The following JAG1 variants were observed in gnomAD, a reference collection of about 807,000 sequenced individuals.
JAG1 encodes jagged canonical Notch ligand 1.
A neutral mutation model predicts 148.7 loss-of-function variants in JAG1; 23 were observed. The ratio of observed to expected loss-of-function variants is 0.15; its 90% CI spans 0.11 to 0.22. The LOEUF is 0.22. Ranked by LOEUF, JAG1 falls within the 10% of genes least tolerant of loss-of-function variation. The pLI is 1.00. For missense variants in JAG1, 1,054 were observed against 1,611.2 expected, an observed-to-expected ratio of 0.65 and a Z score of 5.92; for synonymous variants, 572 against 598.3, an observed-to-expected ratio of 0.96 and a Z score of 0.64.
At chr20:10,670,504 T>G (rs924620901) in intron 2 of JAG1, among the ~76,000 whole-genome samples, 2 of 152,234 alleles carry the variant, frequency 1.3e-5, no homozygotes, top group African/African-American at 4.8e-5. Context: ...GCCCTCTAGT[T>G]AAATACTCGC....
At position 10,639,777 on chromosome 20, in the gene JAG1, A is replaced by G. The variant is rs1315495976; in HGVS notation, c.3378T>C (p.Ile1126=). ...REQLNQIKNP[I]EKHGANTVPI... ...GGACCGTGTTGGCCCCATGTTTCTCAATGGGGTTTTTGATCTGGTTCAGCT... is the reference window on the plus strand; with the variant it reads ...GGACCGTGTTGGCCCCATGTTTCTCGATGGGGTTTTTGATCTGGTTCAGCT... The change falls in exon 26 of 26, where the codon ATT becomes ATC. Residue 1126 remains isoleucine, a synonymous_variant. Coordinates refer to ENST00000254958, the MANE Select transcript of JAG1 (RefSeq NM_000214.3). 6.2e-7 allele frequency: 1 copy of G among 1,613,872 alleles called. No homozygotes were observed. Among genetic ancestry groups the G allele is most frequent in the Non-Finnish European group, 8.5e-7 (1 of 1,179,986 alleles).
chr20:10,647,875 T>C (rs1398784772), intron 13 of JAG1, 85 bp downstream of exon 13: 107 of 1,426,936 alleles, frequency 7.5e-5, no homozygotes, highest in Non-Finnish European at 1.0e-4. Flanking sequence ...ACATTACTTC[T>C]CAAGTGTAAC....
At chr20:10,671,711 G>A (rs1283261701) in intron 2 of JAG1, among the ~76,000 whole-genome samples, 1 of 152,144 alleles carries the variant, frequency 6.6e-6, no homozygotes, top group African/African-American at 2.4e-5. Context: ...CAGGCAGAGG[G>A]CACACCCCCA....
At chr20:10,652,104 G>T in intron 7 of JAG1, 27 bp downstream of exon 7, 1 of 1,612,910 alleles carries the variant, frequency 6.2e-7, no homozygotes, top group Non-Finnish European at 8.5e-7. Context: ...TTAGACAAAG[G>T]GCTCTCATTC....
intron 12 of JAG1, 50 bp from the exon 13 acceptor site, chr20:10,648,160 A>T: frequency 4.3e-6 from 7 of 1,610,222 alleles, no homozygotes; most frequent in Non-Finnish European, 5.9e-6. Flanking sequence ...AGTAAAACAA[A>T]GGTGTCACGA....
Position 10,645,284 on chromosome 20 carries a change from C to T in JAG1, c.2114-28G>A. 1 of 1,606,710 alleles carries T rather than the reference C, an allele frequency of 6.2e-7. No homozygotes were observed. The highest frequency in any genetic ancestry group is 8.5e-7 in the Non-Finnish European group (1 of 1,173,262). On this transcript the variant is annotated intron_variant, in intron 16 of 25. Transcript: ENST00000254958. The surrounding 1 kb of genome is among the most constrained non-coding windows in gnomAD (Gnocchi z 6.1). ...GGAGGAAAATATTTCAGTGTGAGTC[C>T]CAGTGGCCCCCTCCCACAGAAGACA... is the stretch of plus-strand genomic sequence containing the variant.
chr20:10,644,312 A>ACG, intron 19 of JAG1, 45 bp downstream of exon 19: 1 of 1,447,564 alleles, frequency 6.9e-7, no homozygotes, highest in Non-Finnish European at 9.7e-7. Context: ...ACACACACAC[A>ACG]CACGATAGTG....
At chr20:10,660,768 T>C (rs890067857) in intron 3 of JAG1, among the ~76,000 whole-genome samples, 4 of 152,224 alleles carry the variant, frequency 2.6e-5, no homozygotes, top group African/African-American at 9.6e-5. Context: ...TTCCTTCAGC[T>C]TGGGGCACTG....
intron 20 of JAG1, 133 bp from the exon 21 acceptor site, chr20:10,642,734 C>G (rs1483236799): frequency 1.7e-5 from 12 of 708,610 alleles, no homozygotes; most frequent in Non-Finnish European, 3.1e-5. Flanking sequence ...TAAGCAGCAT[C>G]CAAAAGAAGA....
chr20:10,645,000 C>T (rs371931381), intron 17 of JAG1, 21 bp from the exon 18 acceptor site: 68 of 1,584,982 alleles, frequency 4.3e-5, no homozygotes, highest in Middle Eastern at 1.7e-4. Flanking sequence ...AGAGCAGACA[C>T]GACCACCCTC....
intron 3 of JAG1, among the ~76,000 whole-genome samples, chr20:10,660,443 C>A (rs897610316): frequency 1.3e-5 from 2 of 152,194 alleles, no homozygotes; most frequent in African/African-American, 4.8e-5. Flanking sequence ...TATTACCACG[C>A]GCTTACAAGA....
intron 2 of JAG1, among the ~76,000 whole-genome samples, chr20:10,669,737 A>G (rs756804063): frequency 1.3e-5 from 2 of 152,078 alleles, no homozygotes; most frequent in African/African-American, 2.4e-5. Context: ...TGGGGTTCTG[A>G]AGTTCCCAAA....
rs1015890222 is a variant in JAG1 at position 10,639,414 on chromosome 20, G to A, written c.*84C>T. On this transcript the variant is annotated 3_prime_UTR_variant, in exon 26 of 26. Transcript: ENST00000254958. The stretch of plus-strand genomic sequence containing the variant: ...AACACAGGGATTCTAAGTCAGCAAC[G>A]GCCTCAGACTCGAGTATGACACGAC... 1.1e-4 allele frequency: 133 copies of A among 1,201,356 alleles called. No homozygotes were observed. The highest frequency in any genetic ancestry group is 1.8e-4 in the Admixed American group (11 of 59,516). 74.4% of individuals were successfully genotyped at this position (1,201,356 alleles called of 1,614,324 possible).
At chr20:10,665,900 G>A (rs537733018) in intron 2 of JAG1, among the ~76,000 whole-genome samples, 1 of 152,166 alleles carries the variant, frequency 6.6e-6, no homozygotes, top group Non-Finnish European at 1.5e-5. Flanking sequence ...GGACGACCAA[G>A]CAGTCTACCA....
chr20:10,644,542 A>C, intron 18 of JAG1, 158 bp from the exon 19 acceptor site: 1 of 704,178 alleles, frequency 1.4e-6, no homozygotes, highest in East Asian at 2.7e-5. Context: ...CCCGCACCAC[A>C]CTTAGTTTCA....
Position 10,644,875 on chromosome 20 carries a change from T to A in JAG1, c.2332A>T (p.Ile778Phe). ...CVCKEGWEGP[I>F]CAQNTNDCSP... is the part of the protein sequence containing the mutation. ...GGAGGACACTCACTCTGAGCACAGA[T>A]GGGCCCCTCCCAGCCTTCCTTGCAG... The change falls in exon 18 of 26, where the codon ATC (isoleucine) becomes TTC (phenylalanine). Residue 778 changes from isoleucine (I) to phenylalanine (F), a missense_variant. Around this residue, in one of 6 missense-constraint regions of JAG1, gnomAD observed 342 missense variants for 514.6 expected, o/e 0.66. Coordinates refer to ENST00000254958, the MANE Select transcript of JAG1 (RefSeq NM_000214.3). The A allele has an allele frequency of 6.2e-7, 1 of 1,613,054 alleles. No individual in the cohort carries two copies. Among genetic ancestry groups the A allele is most frequent in the Non-Finnish European group, 8.5e-7 (1 of 1,178,978 alleles).
At position 10,647,080 on chromosome 20, in the gene JAG1, T is replaced by G. The variant is rs2067314648; in HGVS notation, c.1744A>C (p.Met582Leu). The change falls in exon 14 of 26, where the codon ATG becomes CTG. Residue 582 changes from methionine (M) to leucine (L), a missense_variant. Coordinates refer to ENST00000254958, the MANE Select transcript of JAG1 (RefSeq NM_000214.3). ...CEVIDSCTVA[M>L]ASNDTPEGVR... ...CCTTCAGGTGTGTCGTTGGAAGCCA[T>G]GGCCACTGTGCAGCTGTCAATCACT... 3 of 1,614,228 alleles carry G rather than the reference T, an allele frequency of 1.9e-6. No homozygotes were observed. Among genetic ancestry groups the G allele is most frequent in the Non-Finnish European group, 2.5e-6 (3 of 1,180,038 alleles).
intron 20 of JAG1, among the ~76,000 whole-genome samples, chr20:10,643,312 C>T (rs548794972): frequency 9.8e-5 from 15 of 152,292 alleles, no homozygotes; most frequent in East Asian, 3.9e-4. Context: ...TGAAAAACTG[C>T]GTTGCCTGCC....
chr20:10,652,532 G>A lies in JAG1; in HGVS notation c.822C>T (p.Gly274=), dbSNP rs761330780. The part of the protein sequence containing the change: ...KCIPHPGCVH[G]ICNEPWQCLC... ...GGCACTGCCAGGGCTCATTACAGAT[G>A]CCGTGGACGCATCCCGGGTGTGGGA... Residue 274 remains glycine (G), a synonymous_variant, in exon 6 of 26, where the codon GGC becomes GGT. Coordinates refer to ENST00000254958, the MANE Select transcript of JAG1 (RefSeq NM_000214.3). 3 of 1,613,894 alleles carry A rather than the reference G, an allele frequency of 1.9e-6. No homozygotes were observed. The highest frequency in any genetic ancestry group is 2.5e-6 in the Non-Finnish European group (3 of 1,179,852).
Sources: allele counts gnomAD v4.1 joint callset (sites outside exome capture counted in the v4.1 genomes callset), GRCh38; gene constraint gnomAD v4.1.1; regional missense constraint gnomAD v4.1.1; non-coding constraint Gnocchi (gnomAD v3.1); transcripts MANE v1.5; gene names NCBI Gene and HGNC (gene_info 2026-07-23, HGNC 2026-07-21).